ADH1C: variants seen among roughly 807,000 people sequenced by gnomAD.
ADH1C encodes alcohol dehydrogenase 1C.
Under a neutral mutation model 35.0 loss-of-function variants are expected in ADH1C, and 26 were observed. The observed-to-expected ratio is 0.74, with a 90% CI of 0.54 to 1.03. The LOEUF (loss-of-function observed/expected upper bound fraction) is 1.03, where lower values mean the gene tolerates loss of function less well. Among genes scored for constraint, ADH1C ranks in the 50% least tolerant of loss-of-function variants. The pLI is 0.00. For missense variants in ADH1C, 413 were observed against 465.4 expected, an observed-to-expected ratio of 0.89 and a Z score of 1.04; for synonymous variants, 170 against 169.3, an observed-to-expected ratio of 1.00 and a Z score of -0.03.
chr4:99,350,755 T>C (rs898709066), intron 1 of ADH1C, among the ~76,000 whole-genome samples: 1 of 152,206 alleles, frequency 6.6e-6, no homozygotes, highest in African/African-American at 2.4e-5. Context: ...ACTATTGAAT[T>C]ATTGGTCTTA....
rs1734287534 is a variant in ADH1C, at chr4:99,336,777, C to T, written c.1104-1G>A. The T allele has an allele frequency of 6.2e-7, 1 of 1,613,548 alleles. No individual in the cohort carries two copies. The highest frequency in any genetic ancestry group is 1.3e-5 in the African/African-American group (1 of 74,884). ...TCAAAACGTCAGGACGGTACGGATA[C>T]TGCAATAGGAAAGAAGAGACATTGT... On this transcript the variant is annotated splice_acceptor_variant, in intron 8 of 8. Transcript: ENST00000515683. LOFTEE classifies it high-confidence loss of function.
Position 99,347,814 on chromosome 4 carries a change from C to T in ADH1C, c.51G>A (p.Glu17=), listed in dbSNP as rs777625793. The change falls in exon 2 of 9, where the codon GAG becomes GAA. Residue 17 remains glutamate, a synonymous_variant. Transcript: ENST00000515683. The part of the protein sequence containing the change: ...VIKCKAAVLW[E]LKKPFSIEEV... ...CCTCAATGGAAAAGGGTTTCTTTAACTCCCATAGCACAGCTGCTTTGCATT... is the reference window on the plus strand; with the variant it reads ...CCTCAATGGAAAAGGGTTTCTTTAATTCCCATAGCACAGCTGCTTTGCATT... 5.0e-6 allele frequency: 8 copies of T among 1,613,802 alleles called. No individual in the cohort carries two copies. In the East Asian group the frequency reaches 6.7e-5, roughly 13 times the overall value.
chr4:99,339,511 C>A (rs994858309), intron 8 of ADH1C, 66 bp downstream of exon 8: 2 of 511,762 alleles, frequency 3.9e-6, no homozygotes, highest in Non-Finnish European at 5.2e-6. Flanking sequence ...TGCTAGACAA[C>A]GCCCCCCCCC....
chr4:99,344,835 G>T (rs759852027), intron 5 of ADH1C, 27 bp downstream of exon 5: 1 of 1,613,494 alleles, frequency 6.2e-7, no homozygotes, highest in African/African-American at 1.3e-5. Context: ...GCGTGTAACC[G>T]GTTTTATCAT....
intron 1 of ADH1C, chr4:99,350,875 T>C (rs1662048): frequency 0.31 from 47,706 of 152,054 alleles, 8,908 homozygotes; most frequent in Non-Finnish European, 0.41. Flanking sequence ...CAGTTGCCCA[T>C]CCCTTTAATC....
intron 5 of ADH1C, 26 bp downstream of exon 5, chr4:99,344,836 G>A (rs1734490865): frequency 1.2e-6 from 2 of 1,613,838 alleles, no homozygotes; most frequent in Non-Finnish European, 1.7e-6. Context: ...CGTGTAACCG[G>A]TTTTATCATC....
At chr4:99,351,458 A>G (rs926705849) in intron 1 of ADH1C, among the ~76,000 whole-genome samples, 1 of 152,220 alleles carries the variant, frequency 6.6e-6, no homozygotes, top group East Asian at 1.9e-4. Flanking sequence ...CTATTTCATC[A>G]GTTATTATTT....
rs766323345 is a variant in ADH1C, at chr4:99,345,111, G to A, written c.348-30C>T. ...GCAGTGCAATACAAAGACACACAAA[G>A]GCATGAGACAGGACCATAACTAATG... On this transcript the variant is annotated intron_variant, in intron 4 of 8. Coordinates refer to ENST00000515683, the MANE Select transcript of ADH1C (RefSeq NM_000669.5). 5.0e-6 allele frequency: 8 copies of A among 1,614,092 alleles called. 1 individual carries two copies. The South Asian group carries it at 7.7e-5, about 16-fold the overall frequency.
chr4:99,343,008 G>T lies in ADH1C; in HGVS notation c.615C>A (p.Gly205=), dbSNP rs561697999. 6.2e-7 allele frequency: 1 copy of T among 1,614,150 alleles called. No individual in the cohort carries two copies. The highest frequency in any genetic ancestry group is 1.1e-5 in the South Asian group (1 of 91,078). ...CTTTACAGCCCATAACAACAGATAG[G>T]CCGACCCCTCCCAGGCCAAACACAG... ...TCAVFGLGGV[G]LSVVMGCKAA... The change falls in exon 6 of 9, where the codon GGC becomes GGA. Residue 205 remains glycine, a synonymous_variant. Coordinates refer to ENST00000515683, the MANE Select transcript of ADH1C (RefSeq NM_000669.5).
chr4:99,341,591 G>A (rs1416356186), intron 6 of ADH1C, among the ~76,000 whole-genome samples: 1 of 152,136 alleles, frequency 6.6e-6, no homozygotes, highest in Non-Finnish European at 1.5e-5. Context: ...TTTGTCCCAG[G>A]TCAAGGCTGC....
chr4:99,347,771 G>A lies in ADH1C; in HGVS notation c.94C>T (p.Pro32Ser). The A allele has an allele frequency of 1.2e-6, 2 of 1,613,358 alleles. No homozygotes were observed. The highest frequency in any genetic ancestry group is 1.7e-6 in the Non-Finnish European group (2 of 1,179,482). ...TTAATGCGAACTTCATGAGCCTTAGGAGGTGCAACCTCTACCTCCTCAATG... is the reference window on the plus strand; with the variant it reads ...TTAATGCGAACTTCATGAGCCTTAGAAGGTGCAACCTCTACCTCCTCAATG... ...FSIEEVEVAPPKAHEVRIKMV... is the reference protein window; with the variant it reads ...FSIEEVEVAPSKAHEVRIKMV... The change falls in exon 2 of 9, where the codon CCT becomes TCT. Residue 32 changes from proline (P) to serine (S), a missense_variant. Coordinates refer to ENST00000515683, the MANE Select transcript of ADH1C (RefSeq NM_000669.5).
At chr4:99,342,694 T>C in intron 6 of ADH1C, 101 bp downstream of exon 6, 1 of 1,515,422 alleles carries the variant, frequency 6.6e-7, no homozygotes, top group Non-Finnish European at 8.9e-7. Context: ...TTTCCATTCA[T>C]CATTAAAAAT....
chr4:99,350,512 T>C (rs1734649729), intron 1 of ADH1C, among the ~76,000 whole-genome samples: 1 of 152,202 alleles, frequency 6.6e-6, no homozygotes, highest in East Asian at 1.9e-4. Flanking sequence ...CATTCCTGAG[T>C]TACTTCACTT....
chr4:99,347,518 G>A lies in ADH1C; in HGVS notation c.120+227C>T, dbSNP rs114634963. 1.2e-3 allele frequency among the ~76,000 whole-genome samples: 179 copies of A among 152,068 alleles called. 1 individual carries two copies. Among genetic ancestry groups the A allele is most frequent in the African/African-American group, 4.2e-3 (173 of 41,516 alleles). On this transcript the variant is annotated intron_variant, in intron 2 of 8. Transcript: ENST00000515683. ...TATATATCCCTTTGCATTTTTTTCT[G>A]TACAAACCTATAAATTCTTTTGTAT...
At chr4:99,349,097 A>G (rs1734611756) in intron 1 of ADH1C, among the ~76,000 whole-genome samples, 1 of 141,734 alleles carries the variant, frequency 7.1e-6, no homozygotes, top group African/African-American at 2.6e-5. Context: ...CTCTGATGGT[A>G]GTTTCTTTTG....
intron 5 of ADH1C, among the ~76,000 whole-genome samples, chr4:99,343,875 G>C (rs779798956): frequency 3.9e-5 from 6 of 152,142 alleles, no homozygotes; most frequent in Non-Finnish European, 8.8e-5. Context: ...CCCATAGTCA[G>C]CCTTCGTTTT....
intron 1 of ADH1C, chr4:99,351,112 G>A (rs983043560): frequency 5.3e-5 from 8 of 151,958 alleles, no homozygotes. Flanking sequence ...CTCCAACCTG[G>A]GCAATAGAAA....
At position 99,342,780 on chromosome 4, in the gene ADH1C, T is replaced by C. The variant is rs1214285412; in HGVS notation, c.828+15A>G. 1.9e-6 allele frequency: 3 copies of C among 1,613,802 alleles called. No individual in the cohort carries two copies. The highest frequency in any genetic ancestry group is 2.2e-5 in the East Asian group (1 of 44,898). On this transcript the variant is annotated intron_variant, in intron 6 of 8. Coordinates refer to ENST00000515683, the MANE Select transcript of ADH1C (RefSeq NM_000669.5). ...TTGCAGAGGCAGAAATTTCAGGGCA[T>C]GTCACGGATCATACCATGGTGTCAA...
Position 99,345,024 on chromosome 4 carries a change from C to A in ADH1C, c.405G>T (p.Gly135=). The A allele has an allele frequency of 1.2e-6, 2 of 1,614,198 alleles. No homozygotes were observed. The highest frequency in any genetic ancestry group is 1.7e-6 in the Non-Finnish European group (2 of 1,180,044). Residue 135 remains glycine (G), a synonymous_variant, in exon 5 of 9, where the codon GGG becomes GGT. Transcript: ENST00000515683. ...CGCCGACGAAGTGGTGGATGGGCTT[C>A]CCGCTGCAGGTGAACCTCCTGGTGC... ...QDGTRRFTCS[G]KPIHHFVGVS...
Sources: allele counts gnomAD v4.1 joint callset (sites outside exome capture counted in the v4.1 genomes callset), GRCh38; gene constraint gnomAD v4.1.1; transcripts MANE v1.5; gene names NCBI Gene and HGNC (gene_info 2026-07-23, HGNC 2026-07-21).